HMCN2: variants seen among roughly 807,000 people sequenced by gnomAD.
HMCN2 encodes hemicentin-2.
Under a neutral mutation model 377.5 loss-of-function variants are expected in HMCN2, and 325 were observed. That is an observed-to-expected ratio of 0.86 (90% CI 0.79 to 0.94). The LOEUF (loss-of-function observed/expected upper bound fraction) is 0.94. Among genes scored for constraint, HMCN2 ranks in the 40% least tolerant of loss-of-function variants. The pLI, the probability that HMCN2 is intolerant of heterozygous loss-of-function variation, is 0.00. For missense variants in HMCN2, 4,543 were observed against 4,725.3 expected (o/e 0.96, Z 1.13); for synonymous variants, 2,007 against 2,046.8 (o/e 0.98, Z 0.53).
At chr9:130,421,204 T>C (rs1197374067) in intron 86 of HMCN2, among the ~76,000 whole-genome samples, 1 of 152,230 alleles carries the variant, frequency 6.6e-6, no homozygotes, top group African/African-American at 2.4e-5. Flanking sequence ...TTTGATTGGC[T>C]TCGTATCATT....
chr9:130,368,592 G>T (rs889577459), intron 44 of HMCN2, among the ~76,000 whole-genome samples, 155 bp downstream of exon 44: 3 of 152,122 alleles, frequency 2.0e-5, no homozygotes, highest in Admixed American at 6.6e-5. Flanking sequence ...TTCTCACACT[G>T]CTCTAAAGAC....
At chr9:130,266,512 G>A (rs1026608817) in intron 1 of HMCN2, among the ~76,000 whole-genome samples, 1 of 152,258 alleles carries the variant, frequency 6.6e-6, no homozygotes, top group African/African-American at 2.4e-5. Context: ...GAGGACTTGG[G>A]ACGCTACGAG....
chr9:130,431,256 CA>C, intron 95 of HMCN2, 110 bp from the exon 96 acceptor site: 2 of 1,103,322 alleles, frequency 1.8e-6, no homozygotes, highest in South Asian at 3.0e-5. Context: ...GGAGAAGGAG[CA>C]GGGCAGCTCC....
In HMCN2 at chr9:130,405,952, C is replaced by A. The variant is rs111840606; in HGVS notation, c.12340-3C>A. ...TCCGGCCAACCCCTTTCTTTGCTCACAGGGCCAGGACGCAGGCACCTATAC... is the reference window on the plus strand; with the variant it reads ...TCCGGCCAACCCCTTTCTTTGCTCAAAGGGCCAGGACGCAGGCACCTATAC... On this transcript the variant is annotated splice_polypyrimidine_tract_variant and splice_region_variant and intron_variant, in intron 81 of 97. Transcript: ENST00000683500. 4.3e-3 allele frequency: 5,567 copies of A among 1,281,466 alleles called. 203 individuals are homozygous for A. The African/African-American group carries it at 0.077, about 18-fold the overall frequency. The allele number at this position is 1,281,466 out of a possible 1,614,324, so 79.4% of individuals were successfully genotyped here. A position where few individuals can be genotyped will look rare whatever the true frequency, so the allele number is the denominator to read the frequency against.
chr9:130,396,170 G>A lies in HMCN2; in HGVS notation c.11055G>A (p.Thr3685=), dbSNP rs1050441173. ...TSVAFRVEIH[T]VPTIRSGPPA... ...CACTCCCTCTGTGCCCCTCCCCAGCGGTGCCCACCATCCGGTCAGGACCAC... is the reference window on the plus strand; with the variant it reads ...CACTCCCTCTGTGCCCCTCCCCAGCAGTGCCCACCATCCGGTCAGGACCAC... The change falls in exon 73 of 98, where the codon ACG becomes ACA. Residue 3685 remains threonine, a splice_region_variant and synonymous_variant. Coordinates refer to ENST00000683500, the MANE Select transcript of HMCN2 (RefSeq NM_001291815.2). The A allele has an allele frequency of 4.3e-5, 54 of 1,258,014 alleles. No individual in the cohort carries two copies. In the Admixed American group the frequency reaches 5.8e-4, roughly 14 times the overall value. The allele number at this position is 1,258,014 out of a possible 1,614,324, so 77.9% of individuals were successfully genotyped here. A position where few individuals can be genotyped will look rare whatever the true frequency, so the allele number is the denominator to read the frequency against.
chr9:130,424,997 GA>G lies in HMCN2; in HGVS notation c.13520-11del. 6.5e-7 allele frequency: 1 copy of G among 1,538,720 alleles called. No homozygotes were observed. Among genetic ancestry groups the G allele is most frequent in the Non-Finnish European group, 8.8e-7 (1 of 1,140,322 alleles). On this transcript the variant is annotated splice_polypyrimidine_tract_variant and intron_variant, in intron 88 of 97. Coordinates refer to ENST00000683500, the MANE Select transcript of HMCN2 (RefSeq NM_001291815.2). ...CCGTGGTGACTCTGGGCTGGGTGGG[GA>G]TGGTTTGCAGGGGAGCTGCTCACGA...
Position 130,304,310 on chromosome 9 carries a change from T to G in HMCN2, c.1544-420T>G, listed in dbSNP as rs548179056. On this transcript the variant is annotated intron_variant, in intron 10 of 97. Coordinates refer to ENST00000683500, the MANE Select transcript of HMCN2 (RefSeq NM_001291815.2). This position sits in a 1 kb window ranked among gnomAD's most constrained non-coding sequence, Gnocchi z 4.3. ...TAGCGCTTTCCTCCTTGGGGGCATA[T>G]TTGGCTGCTATAAATAGCCCTGCTG... 7.9e-5 allele frequency among the ~76,000 whole-genome samples: 12 copies of G among 152,352 alleles called. No individual in the cohort carries two copies. The highest frequency in any genetic ancestry group is 2.9e-4 in the African/African-American group (12 of 41,582).
chr9:130,306,929 T>C lies in HMCN2; in HGVS notation c.2077T>C (p.Tyr693His). Residue 693 changes from tyrosine (Y) to histidine (H), a missense_variant, in exon 13 of 98, where the codon TAC (tyrosine) becomes CAC (histidine). By Grantham distance (83) the Tyr-to-His change is moderately conservative. Transcript: ENST00000683500. The stretch of plus-strand genomic sequence containing the variant: ...CACTGACCAGGAGACGGTCACCCTC[T>C]ACTACACAGGTACCCAGGCCACAAG... ...VGTDQETVTLYYTDPPSVSAV... is the reference protein window; with the variant it reads ...VGTDQETVTLHYTDPPSVSAV... The C allele has an allele frequency of 2.1e-6, 1 of 469,298 alleles. No homozygotes were observed. Among genetic ancestry groups the C allele is most frequent in the Non-Finnish European group, 4.4e-6 (1 of 225,990 alleles). The allele number at this position is 469,298 out of a possible 1,614,324, so 29.1% of individuals were successfully genotyped here.
chr9:130,407,505 C>A (rs1052607732), intron 82 of HMCN2, 66 bp from the exon 83 acceptor site: 13 of 1,249,932 alleles, frequency 1.0e-5, no homozygotes, highest in African/African-American at 1.6e-5. Flanking sequence ...CCTGCAGGTA[C>A]CCAGGCACCA....
In HMCN2 at chr9:130,278,415, C is replaced by T. The variant is rs1442368502; in HGVS notation, c.260-6188C>T. Among the ~76,000 whole-genome samples the T allele has an allele frequency of 2.0e-5, 3 of 152,146 alleles. No homozygotes were observed. In the South Asian group the frequency reaches 6.2e-4, roughly 32 times the overall value. Reference sequence around the variant, plus strand: ...CTGGGATTACAGGCGTGAGCCACCGCGCCCGGCCGCCATCATTGTTTTTGG... The same window carrying T: ...CTGGGATTACAGGCGTGAGCCACCGTGCCCGGCCGCCATCATTGTTTTTGG... On this transcript the variant is annotated intron_variant, in intron 1 of 97. Transcript: ENST00000683500.
chr9:130,309,973 G>A lies in HMCN2; in HGVS notation c.2262G>A (p.Ala754=), dbSNP rs531055176. 15 of 531,688 alleles carry A rather than the reference G, an allele frequency of 2.8e-5. No homozygotes were observed. Among genetic ancestry groups the A allele is most frequent in the South Asian group, 7.1e-5 (5 of 70,778 alleles). 32.9% of individuals were successfully genotyped at this position (531,688 alleles called of 1,614,324 possible). The change falls in exon 15 of 98, where the codon GCG becomes GCA. Residue 754 remains alanine, a synonymous_variant. Transcript: ENST00000683500. The part of the protein sequence containing the change: ...GSSSGKLRIP[A]AQERDAGTYT... Reference sequence around the variant, plus strand: ...GCTCTGGGAAGCTGCGGATCCCGGCGGCTCAGGAGAGGGATGCTGGCACCT... The same window carrying A: ...GCTCTGGGAAGCTGCGGATCCCGGCAGCTCAGGAGAGGGATGCTGGCACCT...
intron 31 of HMCN2, 105 bp from the exon 32 acceptor site, chr9:130,354,658 C>A: frequency 2.0e-6 from 2 of 983,200 alleles, no homozygotes; most frequent in Non-Finnish European, 2.7e-6. Context: ...AAGTGTTTCA[C>A]ATGGAGTGGG....
rs1382491755 is a variant in HMCN2 at position 130,395,255 on chromosome 9, G to A, written c.10819G>A (p.Gly3607Ser). The A allele has an allele frequency of 1.5e-5, 19 of 1,289,320 alleles. No homozygotes were observed. Among genetic ancestry groups the A allele is most frequent in the African/African-American group, 3.0e-5 (2 of 65,790 alleles). 79.9% of individuals were successfully genotyped at this position (1,289,320 alleles called of 1,614,324 possible). ...GCCCCGAGGCCCCCGCTTTGTGGTC[G>A]GCCTGGCCCCAGGGCAGCTGGTCCT... ...VGPRGPRFVV[G>S]LAPGQLVLEC... is the part of the protein sequence containing the mutation. The change falls in exon 71 of 98, where the codon GGC becomes AGC. Residue 3607 changes from glycine to serine, a missense_variant. By Grantham distance (56) the Gly-to-Ser change is moderately conservative. Coordinates refer to ENST00000683500, the MANE Select transcript of HMCN2 (RefSeq NM_001291815.2).
chr9:130,344,089 G>A (rs894310309), intron 25 of HMCN2, among the ~76,000 whole-genome samples: 4 of 152,170 alleles, frequency 2.6e-5, no homozygotes, highest in South Asian at 2.1e-4. Flanking sequence ...CTTCAGGGCC[G>A]TCCTGCACTA....
chr9:130,383,649 A>C, intron 57 of HMCN2, 49 bp downstream of exon 57: 2 of 882,744 alleles, frequency 2.3e-6, no homozygotes, highest in Non-Finnish European at 1.4e-6. Context: ...TTCCCTTCCC[A>C]GGGGGCACTG....
chr9:130,344,378 G>A (rs1839227478), intron 25 of HMCN2, among the ~76,000 whole-genome samples: 1 of 150,948 alleles, frequency 6.6e-6, no homozygotes, highest in African/African-American at 2.4e-5. Context: ...TGTGTGTGGT[G>A]TTTGGCATGT....
At chr9:130,267,937 C>T (rs963347245) in intron 1 of HMCN2, among the ~76,000 whole-genome samples, 11 of 152,214 alleles carry the variant, frequency 7.2e-5, no homozygotes, top group Admixed American at 5.9e-4. Flanking sequence ...CTGGGGCTTC[C>T]GAAGACATCA....
intron 85 of HMCN2, among the ~76,000 whole-genome samples, chr9:130,417,265 T>C (rs1264855243): frequency 1.3e-5 from 2 of 151,992 alleles, no homozygotes; most frequent in East Asian, 3.9e-4. Flanking sequence ...CTCATGACTA[T>C]AATCCTAGCA....
At position 130,327,898 on chromosome 9, in the gene HMCN2, G is replaced by A. The variant is rs1448279727; in HGVS notation, c.3359+423G>A. On this transcript the variant is annotated intron_variant, in intron 22 of 97. Coordinates refer to ENST00000683500, the MANE Select transcript of HMCN2 (RefSeq NM_001291815.2). ...CTGCTCTGCAGACCAGGTGTCTGGC[G>A]GCTGGGCTGTCTGACTCAGCTGCTC... 5.9e-5 allele frequency among the ~76,000 whole-genome samples: 9 copies of A among 152,220 alleles called. 1 individual carries two copies. The South Asian group carries it at 8.3e-4, about 14-fold the overall frequency.
Sources: gnomAD v4.1 joint callset for allele counts (sites outside exome capture counted in the v4.1 genomes callset) on GRCh38, gnomAD v4.1.1 for gene constraint, Gnocchi (gnomAD v3.1) non-coding constraint, MANE v1.5 for transcripts, NCBI Gene and HGNC (gene_info 2026-07-23, HGNC 2026-07-21) for gene names.